The following BTNL8 variants were observed in gnomAD, a reference collection of about 807,000 sequenced individuals.
BTNL8 encodes the protein butyrophilin like 8, also known as butyrophilin-like protein 8.
A neutral mutation model predicts 36.1 loss-of-function variants in BTNL8; 22 were observed. The observed-to-expected ratio is 0.61, with a 90% CI of 0.44 to 0.87. BTNL8 has a LOEUF of 0.87. BTNL8 is among the 40% of genes least tolerant of loss of function. The pLI, the probability that BTNL8 is intolerant of heterozygous loss-of-function variation, is 0.00. For missense variants in BTNL8, 526 were observed against 616.9 expected (o/e 0.85, Z 1.56); for synonymous variants, 203 against 235.6 (o/e 0.86, Z 1.27).
intron 3 of BTNL8, among the ~76,000 whole-genome samples, chr5:180,946,318 A>G (rs1582066174): frequency 6.6e-6 from 1 of 152,324 alleles, no homozygotes; most frequent in East Asian, 1.9e-4. Context: ...CAATATGTTG[A>G]TGGAATAGCT....
intron 3 of BTNL8, among the ~76,000 whole-genome samples, chr5:180,947,267 C>T (rs552735423): frequency 6.6e-6 from 1 of 152,250 alleles, no homozygotes; most frequent in African/African-American, 2.4e-5. Flanking sequence ...TGATGCTGCA[C>T]GTATCAGTGT....
intron 4 of BTNL8, chr5:180,948,058 C>G (rs1171726517): frequency 1.6e-6 from 1 of 644,666 alleles, no homozygotes; most frequent in Non-Finnish European, 2.6e-6. Context: ...TGACACTTCC[C>G]CTTGGGGGTG....
intron 3 of BTNL8, among the ~76,000 whole-genome samples, chr5:180,932,495 C>T (rs909264396): frequency 1.3e-5 from 2 of 152,096 alleles, no homozygotes; most frequent in African/African-American, 4.8e-5. Context: ...TACAGGTGCC[C>T]GCCACCATGC....
intron 3 of BTNL8, among the ~76,000 whole-genome samples, chr5:180,941,110 GAGGAAGGAAGGA>G (rs1177352611): frequency 0.25 from 31,514 of 126,862 alleles, 4,379 homozygotes; most frequent in Admixed American, 0.33. Flanking sequence ...GGAAGGAAGG[GAGGAAGGAAGGA>G]AGGAAGGAAG....
In BTNL8 at chr5:180,949,899, C is replaced by G. The variant is rs758414668; in HGVS notation, c.863-5C>G. 59 of 1,453,302 alleles carry G rather than the reference C, an allele frequency of 4.1e-5. 6 individuals carry two copies. In the African/African-American group the frequency reaches 8.1e-4, roughly 20 times the overall value. 90.0% of individuals were successfully genotyped at this position (1,453,302 alleles called of 1,614,324 possible). ...ATGCTTCCTCTCTCCCCCACCGCAC[C>G]CCAGTGGAGGTGACTCTGGATCCAG... On this transcript the variant is annotated splice_region_variant and splice_polypyrimidine_tract_variant and intron_variant, in intron 7 of 7. Transcript: ENST00000340184.
intron 3 of BTNL8, among the ~76,000 whole-genome samples, chr5:180,937,447 C>T (rs1758711422): frequency 6.6e-6 from 1 of 152,058 alleles, no homozygotes. Context: ...AATACAGCAC[C>T]CACGTATCCA....
intron 3 of BTNL8, among the ~76,000 whole-genome samples, chr5:180,944,535 G>A (rs942754022): frequency 7.2e-5 from 11 of 152,168 alleles, no homozygotes; most frequent in African/African-American, 2.7e-4. Context: ...AGGGATTGCA[G>A]GGGATGAGGA....
intron 1 of BTNL8, among the ~76,000 whole-genome samples, chr5:180,900,287 A>G (rs1010828852): frequency 3.3e-5 from 5 of 151,816 alleles, no homozygotes; most frequent in African/African-American, 1.2e-4. Context: ...CTCTTATTTC[A>G]TTTTCTTGTG....
intron 1 of BTNL8, chr5:180,902,444 T>A: frequency 6.6e-7 from 1 of 1,526,688 alleles, no homozygotes; most frequent in East Asian, 2.5e-5. Flanking sequence ...AATAGGATTG[T>A]GATGAATGTT....
At chr5:180,938,653 TTAGCCTCTCGAG>T (rs1345988122) in intron 3 of BTNL8, among the ~76,000 whole-genome samples, 2 of 151,960 alleles carry the variant, frequency 1.3e-5, no homozygotes, top group African/African-American at 2.4e-5. Flanking sequence ...TTATCCTGCC[TTAGCCTCTCGAG>T]TAGCTGGGAT....
chr5:180,909,763 A>G (rs1183631291), intron 2 of BTNL8: 1 of 209,408 alleles, frequency 4.8e-6, no homozygotes, highest in Non-Finnish European at 8.3e-6. Flanking sequence ...ACAGAAATTT[A>G]TTGTTTACAG....
Position 180,947,629 on chromosome 5 carries a change from A to C in BTNL8, c.787+4A>C. The C allele has an allele frequency of 6.2e-7, 1 of 1,614,200 alleles. No individual in the cohort carries two copies. The highest frequency in any genetic ancestry group is 8.5e-7 in the Non-Finnish European group (1 of 1,180,030). ...ATTTTCTTCTCCAAATTCCAGTGTA[A>C]GCGAGAGAGAGAAGCATGGGCCGGT... On this transcript the variant is annotated splice_donor_region_variant and intron_variant, in intron 4 of 7. Transcript: ENST00000340184.
rs954923347 is a variant in BTNL8 at position 180,940,010 on chromosome 5, A to G, written c.674-7502A>G. ...CAACCATTGGCTTAATGCAGAAATT[A>G]AAAACAAAGTTAAAGAACTCCTTAA... On this transcript the variant is annotated intron_variant, in intron 3 of 7. Coordinates refer to ENST00000340184, the MANE Select transcript of BTNL8 (RefSeq NM_001040462.3). 2.6e-5 allele frequency among the ~76,000 whole-genome samples: 4 copies of G among 152,226 alleles called. No homozygotes were observed. The East Asian group carries it at 7.7e-4, about 29-fold the overall frequency.
chr5:180,931,926 A>G (rs1163929792), intron 3 of BTNL8, among the ~76,000 whole-genome samples: 1 of 152,212 alleles, frequency 6.6e-6, no homozygotes, highest in African/African-American at 2.4e-5. Flanking sequence ...TAGAACCAGA[A>G]ATACCATTTG....
chr5:180,929,663 C>A (rs984718636), intron 3 of BTNL8, among the ~76,000 whole-genome samples: 3 of 152,176 alleles, frequency 2.0e-5, no homozygotes, highest in Non-Finnish European at 4.4e-5. Context: ...ATACAAACTA[C>A]AATCAGAGAA....
chr5:180,923,779 C>T (rs6895219), intron 3 of BTNL8, among the ~76,000 whole-genome samples: 68,230 of 151,880 alleles, frequency 0.45, 16,415 homozygotes, highest in African/African-American at 0.63. Context: ...CAAATTCTTT[C>T]AATTTATACT....
In BTNL8 at chr5:180,909,019, T is replaced by TTTTC. The variant is rs1311032154; in HGVS notation, c.397+89_397+90insCTTT. 882 of 1,356,986 alleles carry TTTTC rather than the reference T, an allele frequency of 6.5e-4. 3 individuals carry two copies. In the African/African-American group the frequency reaches 0.012, roughly 18 times the overall value. The allele number at this position is 1,356,986 out of a possible 1,614,324, so 84.1% of individuals were successfully genotyped here. A position where few individuals can be genotyped will look rare whatever the true frequency, so the allele number is the denominator to read the frequency against. On this transcript the variant is annotated intron_variant, in intron 2 of 7. Transcript: ENST00000340184. ...TTTTTTCAATAAGGAAATTTTAAAA[T>TTTTC]TTTAGGTCATTTAGTTAGAAGGCAG...
intron 3 of BTNL8, among the ~76,000 whole-genome samples, chr5:180,921,653 C>T (rs1179498804): frequency 6.9e-6 from 1 of 143,948 alleles, no homozygotes; most frequent in East Asian, 2.0e-4. Context: ...TTATATTCTG[C>T]TCATACTACA....
intron 3 of BTNL8, among the ~76,000 whole-genome samples, chr5:180,944,694 A>G (rs1191201241): frequency 1.3e-5 from 2 of 152,234 alleles, no homozygotes; most frequent in Non-Finnish European, 2.9e-5. Flanking sequence ...ACCTTAAATG[A>G]TCAATGTTTT....
Sources: allele counts gnomAD v4.1 joint callset (sites outside exome capture counted in the v4.1 genomes callset), GRCh38; gene constraint gnomAD v4.1.1; transcripts MANE v1.5; gene names NCBI Gene and HGNC (gene_info 2026-07-23, HGNC 2026-07-21).